SPRED2: variants seen among roughly 807,000 people sequenced by gnomAD.
SPRED2 encodes sprouty related EVH1 domain containing 2.
A neutral mutation model predicts 43.0 loss-of-function variants in SPRED2; 47 were observed. The observed-to-expected ratio is 1.09, with a 90% confidence interval of 0.87 to 1.40. SPRED2 has a LOEUF of 1.40. Among genes scored for constraint, SPRED2 ranks in the 40% most tolerant of loss-of-function variants. The probability of loss-of-function intolerance (pLI) is 0.00; values close to 1 mark genes in which losing one functional copy is unlikely to be tolerated. For missense variants in SPRED2, 561 were observed against 586.4 expected (o/e 0.96, Z 0.45); for synonymous variants, 225 against 225.7 (o/e 1.00, Z 0.03).
At chr2:65,388,162 C>T (rs1203190216) in intron 1 of SPRED2, among the ~76,000 whole-genome samples, 1 of 152,174 alleles carries the variant, frequency 6.6e-6, no homozygotes, top group African/African-American at 2.4e-5. Flanking sequence ...ATCACACAGC[C>T]GCACAGAGCT....
At chr2:65,382,560 A>G (rs1459209035) in intron 1 of SPRED2, among the ~76,000 whole-genome samples, 1 of 152,218 alleles carries the variant, frequency 6.6e-6, no homozygotes, top group African/African-American at 2.4e-5. Context: ...ACTGTCCCAT[A>G]GAAATGGAAA....
At chr2:65,375,191 A>G (rs1458642379) in intron 1 of SPRED2, among the ~76,000 whole-genome samples, 11 of 152,372 alleles carry the variant, frequency 7.2e-5, no homozygotes, top group East Asian at 1.9e-4. Flanking sequence ...AAGCATTTAA[A>G]GTTGCAGCAC....
chr2:65,338,984 G>GC (rs1490603875), intron 2 of SPRED2, among the ~76,000 whole-genome samples: 1 of 145,476 alleles, frequency 6.9e-6, no homozygotes, highest in South Asian at 2.2e-4. Flanking sequence ...CCTCTGCCCG[G>GC]CGGCCCCTAC....
Position 65,313,025 on chromosome 2 carries a change from C to G in SPRED2, c.*476G>C. ...GTTTCATCATTCTCACATCCCATTT[C>G]CGCTGAACCAGATGCTTGCTAGCGA... On this transcript the variant is annotated 3_prime_UTR_variant, in exon 6 of 6. Transcript: ENST00000356388. The G allele has an allele frequency of 5.1e-6, 5 of 986,476 alleles. No individual in the cohort carries two copies. Among genetic ancestry groups the G allele is most frequent in the Non-Finnish European group, 6.0e-6 (5 of 830,682 alleles). The allele number at this position is 986,476 out of a possible 1,614,324, so 61.1% of individuals were successfully genotyped here. A position where few individuals can be genotyped will look rare whatever the true frequency, so the allele number is the denominator to read the frequency against.
rs1004790589 is a variant in SPRED2, at chr2:65,312,469, C to T, written c.*1032G>A. 113 of 985,272 alleles carry T rather than the reference C, an allele frequency of 1.1e-4. No individual in the cohort carries two copies. The highest frequency in any genetic ancestry group is 1.3e-4 in the Non-Finnish European group (108 of 829,938). 61.0% of individuals were successfully genotyped at this position (985,272 alleles called of 1,614,324 possible). On this transcript the variant is annotated 3_prime_UTR_variant, in exon 6 of 6. Coordinates refer to ENST00000356388, the MANE Select transcript of SPRED2 (RefSeq NM_181784.3). ...GCCAGGGGTTGGGGGGAAGAAGCTC[C>T]CTATGGTTTTATTCACCATAACCTT...
intron 1 of SPRED2, among the ~76,000 whole-genome samples, chr2:65,376,806 C>T (rs1408627465): frequency 6.6e-6 from 1 of 152,126 alleles, no homozygotes; most frequent in Non-Finnish European, 1.5e-5. Context: ...GCTCTGCCTC[C>T]CGGGTTTACG....
chr2:65,329,410 T>C (rs1038073730), intron 4 of SPRED2, among the ~76,000 whole-genome samples: 9 of 152,214 alleles, frequency 5.9e-5, no homozygotes, highest in African/African-American at 1.9e-4. Flanking sequence ...TGTTAATAGG[T>C]CCTTGTTTGT....
At chr2:65,333,259 CAAAA>C (rs200576180) in intron 3 of SPRED2, among the ~76,000 whole-genome samples, 1 of 93,622 alleles carries the variant, frequency 1.1e-5, no homozygotes, top group Non-Finnish European at 2.2e-5. Context: ...GACTCCATCT[CAAAA>C]AAAAAAAAAA....
intron 1 of SPRED2, among the ~76,000 whole-genome samples, chr2:65,413,625 C>G (rs1676211729): frequency 6.6e-6 from 1 of 152,170 alleles, no homozygotes; most frequent in African/African-American, 2.4e-5. Context: ...CAAGTGGGAC[C>G]CAGGCATTCC....
chr2:65,355,018 G>T lies in SPRED2; in HGVS notation c.27-10122C>A, dbSNP rs370971930. Among the ~76,000 whole-genome samples the T allele has an allele frequency of 4.6e-5, 7 of 152,352 alleles. No homozygotes were observed. In the South Asian group the frequency reaches 1.2e-3, roughly 27 times the overall value. On this transcript the variant is annotated intron_variant, in intron 1 of 5. Coordinates refer to ENST00000356388, the MANE Select transcript of SPRED2 (RefSeq NM_181784.3). Reference sequence around the variant, plus strand: ...AGAGGGCTGAGGTCAGGCCTGGGGGGACTGGCAGGACAGGCATGGTAGTTT... The same window carrying T: ...AGAGGGCTGAGGTCAGGCCTGGGGGTACTGGCAGGACAGGCATGGTAGTTT...
chr2:65,366,567 T>G (rs1674985398), intron 1 of SPRED2: 1 of 1,549,134 alleles, frequency 6.5e-7, no homozygotes, highest in African/African-American at 1.4e-5. Context: ...AAAATAAAGT[T>G]CATGTAAACA....
At chr2:65,340,561 C>A (rs989848497) in intron 2 of SPRED2, among the ~76,000 whole-genome samples, 2 of 152,146 alleles carry the variant, frequency 1.3e-5, no homozygotes, top group African/African-American at 4.8e-5. Flanking sequence ...CTCCTCTAAT[C>A]CATCTAAAAA....
At chr2:65,329,284 T>C (rs1673735783) in intron 4 of SPRED2, among the ~76,000 whole-genome samples, 1 of 152,094 alleles carries the variant, frequency 6.6e-6, no homozygotes, top group South Asian at 2.1e-4. Flanking sequence ...GGACAGAAAA[T>C]CTAATGACAG....
In SPRED2 at chr2:65,369,384, A is replaced by G. The variant is rs72896530; in HGVS notation, c.27-24488T>C. ...TTGCATTTTCCAAATTTATTTGACC[A>G]CAGAATCCCCACCCCCAACCCCCAC... On this transcript the variant is annotated intron_variant, in intron 1 of 5. Coordinates refer to ENST00000356388, the MANE Select transcript of SPRED2 (RefSeq NM_181784.3). Among the ~76,000 whole-genome samples, 364 of 152,304 alleles carry G rather than the reference A, an allele frequency of 2.4e-3. 4 individuals carry two copies. The highest frequency in any genetic ancestry group is 8.6e-3 in the African/African-American group (356 of 41,564).
chr2:65,426,843 AC>A (rs754145963), intron 1 of SPRED2, among the ~76,000 whole-genome samples: 1 of 152,240 alleles, frequency 6.6e-6, no homozygotes, highest in African/African-American at 2.4e-5. Flanking sequence ...GGATAAAAGG[AC>A]AGGAAAGCAG....
chr2:65,409,567 G>A (rs17476000), intron 1 of SPRED2, among the ~76,000 whole-genome samples: 4,467 of 151,496 alleles, frequency 0.029, 81 homozygotes, highest in Non-Finnish European at 0.033. Flanking sequence ...ACAGCTTTTA[G>A]CAATTTACAT....
chr2:65,387,887 C>T (rs1675537812), intron 1 of SPRED2, among the ~76,000 whole-genome samples: 1 of 151,882 alleles, frequency 6.6e-6, no homozygotes, highest in African/African-American at 2.4e-5. Flanking sequence ...CCGCCTCCCA[C>T]ATTCAAGCGA....
chr2:65,403,229 G>C (rs777599007), intron 1 of SPRED2, among the ~76,000 whole-genome samples: 1 of 152,136 alleles, frequency 6.6e-6, no homozygotes, highest in African/African-American at 2.4e-5. Context: ...TTCCAGAAGG[G>C]GTTACGGATA....
At chr2:65,401,372 G>A (rs780977137) in intron 1 of SPRED2, among the ~76,000 whole-genome samples, 1 of 152,104 alleles carries the variant, frequency 6.6e-6, no homozygotes, top group African/African-American at 2.4e-5. Context: ...AGCTTAGCAA[G>A]AAGACCCCCC....
Sources: allele counts gnomAD v4.1 joint callset (sites outside exome capture counted in the v4.1 genomes callset), GRCh38; gene constraint gnomAD v4.1.1; transcripts MANE v1.5; gene names NCBI Gene and HGNC (gene_info 2026-07-23, HGNC 2026-07-21).